Variants in PPM1E observed in about 807,000 individuals in gnomAD.
PPM1E encodes the protein protein phosphatase 1E.
A neutral mutation model predicts 65.9 loss-of-function variants in PPM1E; 20 were observed. The observed-to-expected ratio is 0.30, with a 90% CI of 0.21 to 0.44. PPM1E has a LOEUF of 0.44. Among genes scored for constraint, PPM1E ranks in the 20% least tolerant of loss-of-function variants. PPM1E has a pLI of 1.00. For synonymous variants in PPM1E, 352 were observed against 374.9 expected (o/e 0.94, Z 0.70); for missense variants, 713 against 953.1 (o/e 0.75, Z 3.32).
At chr17:58,903,370 TTGGGCAAGC>T (rs2051519776) in intron 1 of PPM1E, among the ~76,000 whole-genome samples, 1 of 152,202 alleles carries the variant, frequency 6.6e-6, no homozygotes, top group African/African-American at 2.4e-5. Context: ...TTTTTCCAAT[TTGGGCAAGC>T]TGGGTTTAGC....
intron 1 of PPM1E, among the ~76,000 whole-genome samples, chr17:58,928,062 T>C (rs2143557840): frequency 6.7e-6 from 1 of 149,176 alleles, no homozygotes; most frequent in African/African-American, 2.5e-5. Context: ...TCCATCTCAA[T>C]TAAAAAAAAA....
chr17:58,938,025 C>T (rs1445935819), intron 1 of PPM1E, among the ~76,000 whole-genome samples: 1 of 152,058 alleles, frequency 6.6e-6, no homozygotes, highest in Non-Finnish European at 1.5e-5. Context: ...TCAGAATACA[C>T]CCACAGCATA....
At chr17:58,901,993 TAAAATATTA>T (rs933829574) in intron 1 of PPM1E, among the ~76,000 whole-genome samples, 5 of 151,604 alleles carry the variant, frequency 3.3e-5, no homozygotes, top group African/African-American at 1.2e-4. Flanking sequence ...AATAAATAAA[TAAAATATTA>T]AAAATGAATC....
At chr17:58,760,961 CAG>C (rs539899808) in intron 1 of PPM1E, among the ~76,000 whole-genome samples, 211 of 152,306 alleles carry the variant, frequency 1.4e-3, no homozygotes, top group African/African-American at 4.3e-3. Context: ...CCATTGTTCT[CAG>C]GGAATATACC....
rs200151254 is a variant in PPM1E at position 58,924,247 on chromosome 17, AAAGG to A, written c.465-31389_465-31386del. On this transcript the variant is annotated intron_variant, in intron 1 of 6. Coordinates refer to ENST00000308249, the MANE Select transcript of PPM1E (RefSeq NM_014906.5). ...GACCCCATCTTTTAAAAAAAGAAAA[AAAGG>A]AAGGAAGGAAGGGAGGGAGGGAGGG... Among the ~76,000 whole-genome samples, 168 of 151,854 alleles carry A rather than the reference AAAGG, an allele frequency of 1.1e-3. No homozygotes were observed. The East Asian group carries it at 0.015, about 14-fold the overall frequency.
intron 1 of PPM1E, among the ~76,000 whole-genome samples, chr17:58,780,307 G>A (rs1174723494): frequency 2.6e-5 from 4 of 152,140 alleles, no homozygotes; most frequent in South Asian, 2.1e-4. Flanking sequence ...CCAGGAGTTC[G>A]AGACCAGCCT....
chr17:58,810,056 A>G (rs990047281), intron 1 of PPM1E, among the ~76,000 whole-genome samples: 9 of 152,322 alleles, frequency 5.9e-5, no homozygotes, highest in African/African-American at 2.2e-4. Flanking sequence ...AAATCTTTGA[A>G]ATCTGTTGTG....
chr17:58,791,460 G>A lies in PPM1E; in HGVS notation c.464+34999G>A, dbSNP rs150448608. ...CTATTTTTAACTGTGTCCCCAGCAC[G>A]TGGCATATATGCTCAATATCTTCTG... is the stretch of plus-strand genomic sequence containing the variant. On this transcript the variant is annotated intron_variant, in intron 1 of 6. Transcript: ENST00000308249. Among the ~76,000 whole-genome samples, 44 of 152,290 alleles carry A rather than the reference G, an allele frequency of 2.9e-4. 1 individual carries two copies. The South Asian group carries it at 7.0e-3, about 24-fold the overall frequency.
intron 1 of PPM1E, among the ~76,000 whole-genome samples, chr17:58,919,472 A>G (rs2051724560): frequency 1.3e-5 from 2 of 152,148 alleles, no homozygotes; most frequent in South Asian, 4.1e-4. Context: ...TTTTGAAACC[A>G]TTTTAGATTT....
At chr17:58,774,166 C>A (rs553977772) in intron 1 of PPM1E, among the ~76,000 whole-genome samples, 3 of 150,936 alleles carry the variant, frequency 2.0e-5, no homozygotes, top group South Asian at 2.1e-4. Flanking sequence ...CTGTCCCCCC[C>A]CCCCAAAAAA....
At chr17:58,974,471 T>C (rs1203916613) in intron 6 of PPM1E, among the ~76,000 whole-genome samples, 1 of 152,206 alleles carries the variant, frequency 6.6e-6, no homozygotes, top group African/African-American at 2.4e-5. Context: ...AACAGCTAAG[T>C]TGGCTGGACA....
intron 1 of PPM1E, among the ~76,000 whole-genome samples, chr17:58,827,911 A>AAAAAT (rs777546701): frequency 4.8e-5 from 7 of 144,686 alleles, no homozygotes; most frequent in Non-Finnish European, 6.0e-5. Context: ...CAAAAAAAAA[A>AAAAAT]AATAATAATA....
At chr17:58,900,514 C>T (rs1246020499) in intron 1 of PPM1E, among the ~76,000 whole-genome samples, 1 of 152,126 alleles carries the variant, frequency 6.6e-6, no homozygotes, top group Non-Finnish European at 1.5e-5. Flanking sequence ...TTTTAGACAT[C>T]ATGCTATTGT....
chr17:58,960,908 A>T lies in PPM1E; in HGVS notation c.584-4786A>T, dbSNP rs142666663. Among the ~76,000 whole-genome samples, 732 of 152,264 alleles carry T rather than the reference A, an allele frequency of 4.8e-3. 16 individuals carry two copies. Among genetic ancestry groups the T allele is most frequent in the African/African-American group, 0.017 (693 of 41,582 alleles). On this transcript the variant is annotated intron_variant, in intron 2 of 6. Coordinates refer to ENST00000308249, the MANE Select transcript of PPM1E (RefSeq NM_014906.5). Reference sequence around the variant, plus strand: ...AGCAACATAAAAAGGATTTAAATTTAAAAAACAATATAATTTTTTCCTGGA... The same window carrying T: ...AGCAACATAAAAAGGATTTAAATTTTAAAAACAATATAATTTTTTCCTGGA...
At chr17:58,956,424 A>T (rs374560279) in intron 2 of PPM1E, among the ~76,000 whole-genome samples, 6 of 150,770 alleles carry the variant, frequency 4.0e-5, no homozygotes, top group African/African-American at 1.5e-4. Flanking sequence ...AGAAAGAGTG[A>T]AACTCTGTCT....
At chr17:58,837,014 C>T (rs1406235341) in intron 1 of PPM1E, among the ~76,000 whole-genome samples, 12 of 129,942 alleles carry the variant, frequency 9.2e-5, no homozygotes, top group African/African-American at 3.2e-4. Context: ...AGCGAAACTC[C>T]GTCTCAAAAA....
chr17:58,817,108 T>C, intron 1 of PPM1E, among the ~76,000 whole-genome samples: 1 of 151,676 alleles, frequency 6.6e-6, no homozygotes, highest in Admixed American at 6.6e-5. Context: ...AATCTCATTT[T>C]TAAATTACTG....
intron 1 of PPM1E, among the ~76,000 whole-genome samples, chr17:58,777,360 A>C (rs970198854): frequency 6.6e-6 from 1 of 152,234 alleles, no homozygotes; most frequent in Non-Finnish European, 1.5e-5. Flanking sequence ...CGTGGAACTC[A>C]AAGGAAAAAG....
At chr17:58,783,391 T>C (rs1466736879) in intron 1 of PPM1E, among the ~76,000 whole-genome samples, 1 of 152,206 alleles carries the variant, frequency 6.6e-6, no homozygotes, top group East Asian at 1.9e-4. Context: ...GGAATTTTAT[T>C]GTTGATAAAC....
Sources: allele counts gnomAD v4.1 joint callset (sites outside exome capture counted in the v4.1 genomes callset), GRCh38; gene constraint gnomAD v4.1.1; transcripts MANE v1.5; gene names NCBI Gene and HGNC (gene_info 2026-07-23, HGNC 2026-07-21).